Variants in TNRC6B observed in about 807,000 individuals in gnomAD.
The protein encoded by TNRC6B is trinucleotide repeat-containing gene 6B protein.
Under a neutral mutation model 203.6 loss-of-function variants are expected in TNRC6B, and 52 were observed. That is an observed-to-expected ratio of 0.26 (90% confidence interval 0.20 to 0.32). The LOEUF is 0.32. Ranked by LOEUF, TNRC6B falls within the 10% of genes least tolerant of loss-of-function variation. TNRC6B has a pLI of 1.00. For missense variants in TNRC6B, 1,923 were observed against 2,286.2 expected (o/e 0.84, Z 3.24); for synonymous variants, 838 against 845.7 (o/e 0.99, Z 0.16).
chr22:40,065,592 A>G (rs1366453402), intron 1 of TNRC6B, among the ~76,000 whole-genome samples: 1 of 152,116 alleles, frequency 6.6e-6, no homozygotes, highest in Non-Finnish European at 1.5e-5. Flanking sequence ...GTTGGCATAC[A>G]GTTCATGTCT....
At chr22:40,093,959 G>A (rs964777346) in intron 1 of TNRC6B, among the ~76,000 whole-genome samples, 1 of 152,024 alleles carries the variant, frequency 6.6e-6, no homozygotes, top group Non-Finnish European at 1.5e-5. Context: ...GAGTAGAATT[G>A]GCACTTTTCT....
intron 1 of TNRC6B, among the ~76,000 whole-genome samples, chr22:40,238,288 G>A (rs538068733): frequency 1.4e-4 from 22 of 152,196 alleles, no homozygotes; most frequent in Admixed American, 6.5e-4. Context: ...CCAGCCCCCC[G>A]ATAGCAAGGT....
At chr22:40,289,877 T>C (rs926784572) in intron 12 of TNRC6B, among the ~76,000 whole-genome samples, 1 of 152,164 alleles carries the variant, frequency 6.6e-6, no homozygotes, top group African/African-American at 2.4e-5. Context: ...CTCAAAAACA[T>C]CCCCTTAACT....
intron 4 of TNRC6B, among the ~76,000 whole-genome samples, chr22:40,168,636 A>G (rs1345550631): frequency 2.0e-5 from 3 of 152,248 alleles, no homozygotes; most frequent in Non-Finnish European, 4.4e-5. Flanking sequence ...GAGATCTAAC[A>G]TAGTTTTGGC....
rs781225425 is a variant in TNRC6B at position 40,277,047 on chromosome 22, G to T, written c.3142-30G>T. The T allele has an allele frequency of 4.5e-6, 7 of 1,543,068 alleles. No homozygotes were observed. The East Asian group carries it at 1.4e-4, about 31-fold the overall frequency. On this transcript the variant is annotated intron_variant, in intron 7 of 22. Transcript: ENST00000454349. ...TCAGGAGGCTGAAATAAATTATTTG[G>T]TTCTGAGGTTCCGTGTTTCATTTCT...
rs2071452600 is a variant in TNRC6B at position 40,330,410 on chromosome 22, G to A, written c.*7169G>A. Reference sequence around the variant, plus strand: ...TGTAAAAGTTGACTGGAGGCAAAGTGGAGTGGCCTTATTGCCAGGACTAGC... The same window carrying A: ...TGTAAAAGTTGACTGGAGGCAAAGTAGAGTGGCCTTATTGCCAGGACTAGC... On this transcript the variant is annotated 3_prime_UTR_variant, in exon 23 of 23. Transcript: ENST00000454349. 1 of 152,204 alleles carries A rather than the reference G, an allele frequency of 6.6e-6. No homozygotes were observed. Among genetic ancestry groups the A allele is most frequent in the Non-Finnish European group, 1.5e-5 (1 of 68,076 alleles). The allele number at this position is 152,204 out of a possible 1,614,324, so 9.4% of individuals were successfully genotyped here.
At position 40,322,955 on chromosome 22, in the gene TNRC6B, C is replaced by T; in HGVS notation, c.5216C>T (p.Pro1739Leu). The change falls in exon 23 of 23, where the codon CCA becomes CTA. Residue 1739 changes from proline to leucine, a missense_variant. Transcript: ENST00000454349. ...CAGCCCCCTACACCTGCAGCAACCC[C>T]AAGTGCGCCAGCTGCGGGGTGGCAG... ...QAQPPTPAAT[P>L]SAPAAGWQSL... The T allele has an allele frequency of 1.2e-6, 2 of 1,613,364 alleles. No homozygotes were observed. The highest frequency in any genetic ancestry group is 1.7e-6 in the Non-Finnish European group (2 of 1,179,594).
rs974222522 is a variant in TNRC6B, at chr22:40,326,567, AC to A, written c.*3327del. On this transcript the variant is annotated 3_prime_UTR_variant, in exon 23 of 23. Coordinates refer to ENST00000454349, the MANE Select transcript of TNRC6B (RefSeq NM_001162501.2). The stretch of plus-strand genomic sequence containing the variant: ...ATCACTTTGTTCCTTTCCATTTGAG[AC>A]TGAACTGAAATCTCCCCTAGTAATT... 8 of 152,504 alleles carry A rather than the reference AC, an allele frequency of 5.2e-5. No individual in the cohort carries two copies. Among genetic ancestry groups the A allele is most frequent in the Non-Finnish European group, 1.0e-4 (7 of 68,028 alleles). 9.4% of individuals were successfully genotyped at this position (152,504 alleles called of 1,614,324 possible). A position where few individuals can be genotyped will look rare whatever the true frequency, so the allele number is the denominator to read the frequency against.
chr22:40,275,079 C>T lies in TNRC6B; in HGVS notation c.3141+1479C>T, dbSNP rs546699339. On this transcript the variant is annotated intron_variant, in intron 7 of 22. Coordinates refer to ENST00000454349, the MANE Select transcript of TNRC6B (RefSeq NM_001162501.2). The stretch of plus-strand genomic sequence containing the variant: ...GGCCTTCATCCCCTTTGCCCTTTGC[C>T]TATAGGACACTAATTTTGTAGATGA... 3.3e-5 allele frequency among the ~76,000 whole-genome samples: 5 copies of T among 152,292 alleles called. No homozygotes were observed. In the South Asian group the frequency reaches 6.2e-4, roughly 19 times the overall value.
intron 3 of TNRC6B, among the ~76,000 whole-genome samples, chr22:40,140,093 A>G (rs928305016): frequency 6.6e-6 from 1 of 152,196 alleles, no homozygotes; most frequent in Admixed American, 6.5e-5. Flanking sequence ...TCACTGAATT[A>G]CATTAGTCTT....
intron 3 of TNRC6B, among the ~76,000 whole-genome samples, chr22:40,143,723 C>T (rs1269440878): frequency 6.6e-6 from 1 of 152,174 alleles, no homozygotes; most frequent in Non-Finnish European, 1.5e-5. Context: ...GTCTCGATCT[C>T]CTGACCTCGT....
chr22:40,289,527 C>G (rs1055420436), intron 12 of TNRC6B, among the ~76,000 whole-genome samples: 1 of 152,170 alleles, frequency 6.6e-6, no homozygotes, highest in African/African-American at 2.4e-5. Context: ...CAGCATTTGA[C>G]AGAGTTCCCC....
intron 12 of TNRC6B, among the ~76,000 whole-genome samples, chr22:40,291,833 A>C (rs1049833641): frequency 1.3e-5 from 2 of 152,256 alleles, no homozygotes; most frequent in African/African-American, 4.8e-5. Context: ...AAAGGTTTTG[A>C]TAAATACCAG....
intron 8 of TNRC6B, 75 bp from the exon 9 acceptor site, chr22:40,277,924 C>A (rs2070667906): frequency 3.4e-5 from 39 of 1,139,920 alleles, no homozygotes; most frequent in Non-Finnish European, 4.9e-5. Flanking sequence ...ACGTGGCTCT[C>A]AGGTGAATAA....
intron 1 of TNRC6B, among the ~76,000 whole-genome samples, chr22:40,195,923 C>A: frequency 6.6e-6 from 1 of 152,196 alleles, no homozygotes; most frequent in East Asian, 1.9e-4. Context: ...GCGCCCGCCA[C>A]CACGCCCAGC....
chr22:40,287,264 C>G (rs146791277), intron 12 of TNRC6B, among the ~76,000 whole-genome samples: 1 of 152,330 alleles, frequency 6.6e-6, no homozygotes, highest in Non-Finnish European at 1.5e-5. Flanking sequence ...CCACCTCAGC[C>G]TCCCAAAGCA....
At chr22:40,315,633 G>A (rs1429688391) in intron 20 of TNRC6B, 126 bp downstream of exon 20, 5 of 1,124,954 alleles carry the variant, frequency 4.4e-6, no homozygotes, top group South Asian at 1.6e-5. Flanking sequence ...TTTTCTTCTG[G>A]TAGAGGAAAA....
chr22:40,203,801 C>T (rs1312356319), intron 1 of TNRC6B, among the ~76,000 whole-genome samples: 1 of 152,210 alleles, frequency 6.6e-6, no homozygotes, highest in Non-Finnish European at 1.5e-5. Context: ...ATTCTAGCCC[C>T]ATCTTTCTAA....
chr22:40,265,577 T>G lies in TNRC6B; in HGVS notation c.1347T>G (p.Asn449Lys). 1 of 1,613,582 alleles carries G rather than the reference T, an allele frequency of 6.2e-7. No homozygotes were observed. Among genetic ancestry groups the G allele is most frequent in the Non-Finnish European group, 8.5e-7 (1 of 1,179,780 alleles). The change falls in exon 5 of 23, where the codon AAT becomes AAG. Residue 449 changes from asparagine to lysine, a missense_variant. Physicochemically the swap from Asn to Lys is moderately conservative, Grantham distance 94. Around this residue, in one of 8 missense-constraint regions of TNRC6B, gnomAD observed 614 missense variants for 587.7 expected, o/e 1.04. Coordinates refer to ENST00000454349, the MANE Select transcript of TNRC6B (RefSeq NM_001162501.2). The stretch of plus-strand genomic sequence containing the variant: ...GCAATTCTGGAAACAATGGGAACAA[T>G]GGAAAAGAGAGAGAGGACTCCTGGA... Reference protein sequence around the residue: ...GQSNSGNNGNNGKEREDSWKG... With the variant: ...GQSNSGNNGNKGKEREDSWKG...
Sources: allele counts gnomAD v4.1 joint callset (sites outside exome capture counted in the v4.1 genomes callset), GRCh38; gene constraint gnomAD v4.1.1; regional missense constraint gnomAD v4.1.1; transcripts MANE v1.5; gene names NCBI Gene and HGNC (gene_info 2026-07-23, HGNC 2026-07-21).